The following RORB variants were observed in gnomAD, a reference collection of about 807,000 sequenced individuals.
The protein encoded by RORB is nuclear receptor ROR-beta.
Under a neutral mutation model 59.1 loss-of-function variants are expected in RORB, and 6 were observed. The ratio of observed to expected loss-of-function variants is 0.10; its 90% CI spans 0.06 to 0.20. The LOEUF (loss-of-function observed/expected upper bound fraction) is 0.20, where lower values mean the gene tolerates loss of function less well. RORB is among the 10% of genes least tolerant of loss of function. RORB has a pLI of 1.00. For missense variants in RORB, 320 were observed against 560.5 expected (o/e 0.57, Z 4.33); for synonymous variants, 215 against 204.5 (o/e 1.05, Z -0.44).
At chr9:74,562,240 G>A (rs1162527618) in intron 1 of RORB, among the ~76,000 whole-genome samples, 4 of 152,084 alleles carry the variant, frequency 2.6e-5, no homozygotes, top group Admixed American at 1.3e-4. Flanking sequence ...TATGTCAGAT[G>A]TAACTCCGTA....
chr9:74,570,448 T>C (rs903334829), intron 1 of RORB, among the ~76,000 whole-genome samples: 1 of 152,112 alleles, frequency 6.6e-6, no homozygotes, highest in Non-Finnish European at 1.5e-5. Flanking sequence ...AATATGTTTA[T>C]TTTTTTAACC....
chr9:74,552,268 G>A (rs1471016637), intron 1 of RORB, among the ~76,000 whole-genome samples: 7 of 152,110 alleles, frequency 4.6e-5, no homozygotes, highest in African/African-American at 1.4e-4. Flanking sequence ...TAATCATTTG[G>A]CAAGGATATG....
chr9:74,655,757 T>G (rs1824068231), intron 4 of RORB, among the ~76,000 whole-genome samples: 1 of 152,194 alleles, frequency 6.6e-6, no homozygotes. Context: ...TCCTTGGACA[T>G]TCAAGCATCT....
chr9:74,663,566 G>A (rs1480029515), intron 6 of RORB, among the ~76,000 whole-genome samples: 1 of 152,144 alleles, frequency 6.6e-6, no homozygotes. Flanking sequence ...CTAAACCACT[G>A]CAAAATTTAA....
intron 1 of RORB, among the ~76,000 whole-genome samples, chr9:74,511,581 C>T (rs1825939789): frequency 1.3e-5 from 2 of 149,122 alleles, no homozygotes; most frequent in Admixed American, 6.7e-5. Flanking sequence ...GCCTGGGCAA[C>T]ATAGCAAGCC....
At chr9:74,507,886 A>G (rs1825890208) in intron 1 of RORB, among the ~76,000 whole-genome samples, 1 of 152,050 alleles carries the variant, frequency 6.6e-6, no homozygotes, top group South Asian at 2.1e-4. Context: ...CAAATGCCAC[A>G]CAGTCTGGTA....
chr9:74,558,738 G>A (rs1822348214), intron 1 of RORB, among the ~76,000 whole-genome samples: 1 of 117,628 alleles, frequency 8.5e-6, no homozygotes, highest in African/African-American at 2.8e-5. Flanking sequence ...GAAGAATAAG[G>A]ACAAAGTGCT....
At chr9:74,531,585 T>A (rs1826239526) in intron 1 of RORB, among the ~76,000 whole-genome samples, 1 of 151,992 alleles carries the variant, frequency 6.6e-6, no homozygotes, top group Admixed American at 6.6e-5. Context: ...GGTTCAGACA[T>A]CTAAACTTAG....
chr9:74,574,404 A>G (rs1822599037), intron 1 of RORB, among the ~76,000 whole-genome samples: 1 of 152,074 alleles, frequency 6.6e-6, no homozygotes, highest in Non-Finnish European at 1.5e-5. Context: ...TCCTCAAATT[A>G]CCTTCTCCAT....
In RORB at chr9:74,498,315, C is replaced by T; in HGVS notation, c.7+332C>T. ...GGAAGCGGACGCGGGATGGAGAAAG[C>T]CGAAAGAGGGATGCCTCTGGACAGG... On this transcript the variant is annotated intron_variant, in intron 1 of 9. Transcript: ENST00000376896. 4 of 398,356 alleles carry T rather than the reference C, an allele frequency of 1.0e-5. No homozygotes were observed. In the South Asian group the frequency reaches 1.7e-4, roughly 17 times the overall value. The allele number at this position is 398,356 out of a possible 1,614,324, so 24.7% of individuals were successfully genotyped here.
chr9:74,648,876 A>G (rs1823944935), intron 4 of RORB, among the ~76,000 whole-genome samples: 1 of 152,304 alleles, frequency 6.6e-6, no homozygotes, highest in Non-Finnish European at 1.5e-5. Flanking sequence ...GCTTTAGGGC[A>G]AACGCACCTG....
intron 1 of RORB, among the ~76,000 whole-genome samples, chr9:74,543,836 T>C (rs1352706570): frequency 6.6e-6 from 1 of 152,130 alleles, no homozygotes; most frequent in Non-Finnish European, 1.5e-5. Context: ...CATCAGAGCC[T>C]AGGAGGAAAT....
intron 1 of RORB, among the ~76,000 whole-genome samples, chr9:74,577,039 G>A (rs1318250400): frequency 2.0e-5 from 3 of 152,216 alleles, no homozygotes; most frequent in Non-Finnish European, 2.9e-5. Context: ...GGTTTCAAGT[G>A]TATGTAGGTT....
rs141347122 is a variant in RORB, at chr9:74,670,172, A to G, written c.1112-1617A>G. Reference sequence around the variant, plus strand: ...TTTCTCTGTTAGCAGCCACATGCCAAATAATTTTCCTTCTACCATTTTCTC... The same window carrying G: ...TTTCTCTGTTAGCAGCCACATGCCAGATAATTTTCCTTCTACCATTTTCTC... On this transcript the variant is annotated intron_variant, in intron 8 of 9. Transcript: ENST00000376896. 6.5e-3 allele frequency among the ~76,000 whole-genome samples: 990 copies of G among 152,260 alleles called. 9 individuals carry two copies. Among genetic ancestry groups the G allele is most frequent in the African/African-American group, 0.023 (943 of 41,540 alleles).
chr9:74,529,148 C>A (rs1826197222), intron 1 of RORB, among the ~76,000 whole-genome samples: 1 of 151,752 alleles, frequency 6.6e-6, no homozygotes, highest in African/African-American at 2.4e-5. Context: ...ACAGAATTTC[C>A]AAGCATGGAC....
At chr9:74,515,735 G>A (rs1196183137) in intron 1 of RORB, among the ~76,000 whole-genome samples, 1 of 151,968 alleles carries the variant, frequency 6.6e-6, no homozygotes, top group Admixed American at 6.6e-5. Flanking sequence ...TGTTAAGTAA[G>A]AGTACAACAC....
chr9:74,549,589 G>GAAGGAAGGAAGGAAGGAAGA (rs1563934543), intron 1 of RORB, among the ~76,000 whole-genome samples: 1 of 75,586 alleles, frequency 1.3e-5, no homozygotes, highest in Non-Finnish European at 2.9e-5. Context: ...AGGAAGGAAG[G>GAAGGAAGGAAGGAAGGAAGA]AAGGAAGGAA....
intron 1 of RORB, among the ~76,000 whole-genome samples, chr9:74,523,932 C>T (rs996960198): frequency 4.7e-5 from 7 of 150,204 alleles, no homozygotes; most frequent in African/African-American, 1.5e-4. Context: ...GTCAATGGCA[C>T]ACCACTCCAG....
intron 1 of RORB, among the ~76,000 whole-genome samples, chr9:74,552,720 G>A (rs916305142): frequency 1.4e-4 from 21 of 151,918 alleles, no homozygotes; most frequent in African/African-American, 4.3e-4. Context: ...TATCATGCAC[G>A]GTGCACCCTT....
Sources: gnomAD v4.1 joint callset for allele counts (sites outside exome capture counted in the v4.1 genomes callset) on GRCh38, gnomAD v4.1.1 for gene constraint, MANE v1.5 for transcripts, NCBI Gene and HGNC (gene_info 2026-07-23, HGNC 2026-07-21) for gene names.